Variants in RNF43 observed in about 807,000 individuals in gnomAD.
The protein encoded by RNF43 is ring finger protein 43.
Under a neutral mutation model 78.4 loss-of-function variants are expected in RNF43, and 37 were observed. That is an observed-to-expected ratio of 0.47 (90% CI 0.36 to 0.62). RNF43 has a LOEUF of 0.62. Ranked by LOEUF, RNF43 falls within the 20% of genes least tolerant of loss-of-function variation. The probability of loss-of-function intolerance (pLI) is 0.00; values close to 1 mark genes in which losing one functional copy is unlikely to be tolerated. For synonymous variants in RNF43, 347 were observed against 395.0 expected (o/e 0.88, Z 1.44); for missense variants, 774 against 1,007.9 (o/e 0.77, Z 3.14).
intron 2 of RNF43, 76 bp from the exon 3 acceptor site, chr17:58,371,109 A>G (rs117790406): frequency 0.011 from 15,284 of 1,382,264 alleles, 118 homozygotes; most frequent in Non-Finnish European, 0.013. Flanking sequence ...ATACCTCTCC[A>G]TTTTTCTAGG....
At chr17:58,374,518 AAGT>A (rs537600867) in intron 2 of RNF43, among the ~76,000 whole-genome samples, 5 of 151,540 alleles carry the variant, frequency 3.3e-5, no homozygotes, top group African/African-American at 9.7e-5. Context: ...TCAGCCTCCC[AAGT>A]AGCTGGGACT....
intron 2 of RNF43, among the ~76,000 whole-genome samples, chr17:58,400,115 C>G (rs73993666): frequency 1.7e-3 from 257 of 152,218 alleles, no homozygotes; most frequent in African/African-American, 6.0e-3. Context: ...GTTACCAGTA[C>G]GGAACAGGCA....
chr17:58,363,083 T>C (rs767519767), intron 5 of RNF43, 192 bp downstream of exon 5: 113 of 641,268 alleles, frequency 1.8e-4, no homozygotes, highest in Non-Finnish European at 3.5e-5. Flanking sequence ...TGTCCTGATC[T>C]GTTCATTCTG....
At chr17:58,373,567 G>C (rs1172361297) in intron 2 of RNF43, among the ~76,000 whole-genome samples, 2 of 152,094 alleles carry the variant, frequency 1.3e-5, no homozygotes, top group Non-Finnish European at 2.9e-5. Flanking sequence ...ATATTTATGG[G>C]ATACATGATA....
chr17:58,411,056 C>T (rs1440755194), intron 2 of RNF43, among the ~76,000 whole-genome samples: 2 of 151,998 alleles, frequency 1.3e-5, no homozygotes, highest in Non-Finnish European at 2.9e-5. Flanking sequence ...CATTTTAATC[C>T]TCAGTTTCCT....
intron 2 of RNF43, among the ~76,000 whole-genome samples, chr17:58,411,679 C>A (rs575430603): frequency 6.6e-6 from 1 of 152,192 alleles, no homozygotes; most frequent in South Asian, 2.1e-4. Flanking sequence ...GAATTGGTGA[C>A]CTCTTTGTGC....
chr17:58,408,017 C>T (rs1472569425), intron 2 of RNF43, among the ~76,000 whole-genome samples: 3 of 152,314 alleles, frequency 2.0e-5, no homozygotes, highest in Admixed American at 2.0e-4. Context: ...CTTTGTCAGA[C>T]ATCAATTTTT....
intron 2 of RNF43, among the ~76,000 whole-genome samples, chr17:58,388,122 G>T (rs536523175): frequency 5.9e-5 from 9 of 152,254 alleles, no homozygotes; most frequent in Non-Finnish European, 4.4e-5. Context: ...AGTTCTTAGG[G>T]TATAGGAGTA....
At chr17:58,394,138 C>T (rs1973623217) in intron 2 of RNF43, among the ~76,000 whole-genome samples, 1 of 152,144 alleles carries the variant, frequency 6.6e-6, no homozygotes, top group Admixed American at 6.5e-5. Flanking sequence ...ACTGGGGATA[C>T]CCTTCTCTCT....
rs1972715713 is a variant in RNF43, at chr17:58,357,622, A to C, written c.2154T>G (p.Cys718Trp). The change falls in exon 9 of 10, where the codon TGT (cysteine) becomes TGG (tryptophan). Residue 718 changes from cysteine to tryptophan, a missense_variant. By Grantham distance (215) the Cys-to-Trp change is radical. Coordinates refer to ENST00000407977, the MANE Select transcript of RNF43 (RefSeq NM_017763.6). The surrounding 1 kb of genome is among the most constrained non-coding windows in gnomAD (Gnocchi z 4.5). ...KRLLPETPGP[C>W]YSNSQPVWLC... ...ACCACACTGGCTGTGAATTTGAGTA[A>C]CAGGGGCCTGGGGTTTCTGGTAGCA... The C allele has an allele frequency of 6.2e-7, 1 of 1,613,776 alleles. No homozygotes were observed. The highest frequency in any genetic ancestry group is 8.5e-7 in the Non-Finnish European group (1 of 1,179,912).
At chr17:58,405,927 T>C (rs1467486857) in intron 2 of RNF43, among the ~76,000 whole-genome samples, 1 of 152,174 alleles carries the variant, frequency 6.6e-6, no homozygotes, top group East Asian at 1.9e-4. Context: ...GTCACAGAAT[T>C]TGGTACAAAT....
In RNF43 at chr17:58,391,775, G is replaced by A. The variant is rs1384729105; in HGVS notation, c.253-20742C>T. Among the ~76,000 whole-genome samples the A allele has an allele frequency of 2.6e-5, 4 of 152,276 alleles. No homozygotes were observed. The East Asian group carries it at 5.8e-4, about 22-fold the overall frequency. ...CATAGAGATGCCGACACAAAAGGAG[G>A]AGTGTTCAGAATGTGCTCTCTGTCT... On this transcript the variant is annotated intron_variant, in intron 2 of 9. Coordinates refer to ENST00000407977, the MANE Select transcript of RNF43 (RefSeq NM_017763.6).
rs1457858005 is a variant in RNF43, at chr17:58,355,810, C to T, written c.2309-824G>A. ...AACTTTATGGGACATACTGGATGGG[C>T]AGCACTCAGCCTTCGAGGCCCTGTA... On this transcript the variant is annotated intron_variant, in intron 9 of 9. Transcript: ENST00000407977. 2.0e-5 allele frequency among the ~76,000 whole-genome samples: 3 copies of T among 152,138 alleles called. No homozygotes were observed. In the East Asian group the frequency reaches 5.8e-4, roughly 29 times the overall value.
At chr17:58,409,222 T>C (rs183627112) in intron 2 of RNF43, among the ~76,000 whole-genome samples, 1 of 152,332 alleles carries the variant, frequency 6.6e-6, no homozygotes, top group East Asian at 1.9e-4. Flanking sequence ...TATTTCCTTT[T>C]CTGTAAAATG....
chr17:58,405,138 C>T lies in RNF43; in HGVS notation c.252+10188G>A, dbSNP rs1399250260. 2.2e-4 allele frequency among the ~76,000 whole-genome samples: 30 copies of T among 134,790 alleles called. 1 individual carries two copies. The Admixed American group carries it at 2.4e-3, about 11-fold the overall frequency. 88.4% of individuals were successfully genotyped at this position (134,790 alleles called of 152,430 possible). A position where few individuals can be genotyped will look rare whatever the true frequency, so the allele number is the denominator to read the frequency against. On this transcript the variant is annotated intron_variant, in intron 2 of 9. Transcript: ENST00000407977. Reference sequence around the variant, plus strand: ...TGTCGCCCAGGCTGGAGTGCAGTGGCACCATCTCGGCTCACTGCAAGCTCC... The same window carrying T: ...TGTCGCCCAGGCTGGAGTGCAGTGGTACCATCTCGGCTCACTGCAAGCTCC...
At position 58,360,381 on chromosome 17, in the gene RNF43, T is replaced by C. The variant is rs1399010515; in HGVS notation, c.850-130A>G. 3.0e-6 allele frequency: 2 copies of C among 669,758 alleles called. No individual in the cohort carries two copies. Among genetic ancestry groups the C allele is most frequent in the African/African-American group, 1.8e-5 (1 of 55,356 alleles). The allele number at this position is 669,758 out of a possible 1,614,324, so 41.5% of individuals were successfully genotyped here. The stretch of plus-strand genomic sequence containing the variant: ...ACTTGTAAAAGACCTCACAGTAGAA[T>C]AGGAATGGTATGAGCTTTGGCATCA... On this transcript the variant is annotated intron_variant, in intron 7 of 9. Coordinates refer to ENST00000407977, the MANE Select transcript of RNF43 (RefSeq NM_017763.6). The surrounding 1 kb of genome is among the most constrained non-coding windows in gnomAD (Gnocchi z 4.3).
intron 2 of RNF43, among the ~76,000 whole-genome samples, chr17:58,374,788 G>T (rs1598144405): frequency 6.6e-6 from 1 of 152,060 alleles, no homozygotes; most frequent in Non-Finnish European, 1.5e-5. Flanking sequence ...GTACAGTTTG[G>T]TCTTCTCTTG....
At chr17:58,401,476 T>G (rs772615881) in intron 2 of RNF43, among the ~76,000 whole-genome samples, 2 of 152,204 alleles carry the variant, frequency 1.3e-5, no homozygotes, top group Non-Finnish European at 2.9e-5. Flanking sequence ...GAACTTGACT[T>G]TTGATTCCAT....
chr17:58,402,962 C>T (rs1382484991), intron 2 of RNF43, among the ~76,000 whole-genome samples: 1 of 151,976 alleles, frequency 6.6e-6, no homozygotes, highest in Non-Finnish European at 1.5e-5. Context: ...CCCCAAACTC[C>T]CAAGAGTCAA....
Sources: allele counts gnomAD v4.1 joint callset (sites outside exome capture counted in the v4.1 genomes callset), GRCh38; gene constraint gnomAD v4.1.1; non-coding constraint Gnocchi (gnomAD v3.1); transcripts MANE v1.5; gene names NCBI Gene and HGNC (gene_info 2026-07-23, HGNC 2026-07-21).